PRKN: variants seen among roughly 807,000 people sequenced by gnomAD.
PRKN encodes E3 ubiquitin-protein ligase parkin.
A neutral mutation model predicts 59.5 loss-of-function variants in PRKN; 56 were observed. That is an observed-to-expected ratio of 0.94 (90% CI 0.76 to 1.18). The LOEUF (loss-of-function observed/expected upper bound fraction) is 1.18. PRKN is among the 50% of genes most tolerant of loss of function. The probability of loss-of-function intolerance (pLI) is 0.00; values close to 1 mark genes in which losing one functional copy is unlikely to be tolerated. For missense variants in PRKN, 657 were observed against 596.4 expected (o/e 1.10, Z -1.06); for synonymous variants, 250 against 222.1 (o/e 1.13, Z -1.12).
intron 7 of PRKN, among the ~76,000 whole-genome samples, chr6:161,728,724 T>G (rs1426850838): frequency 6.6e-6 from 1 of 152,108 alleles, no homozygotes; most frequent in Admixed American, 6.6e-5. Flanking sequence ...GAGGGGCATT[T>G]TGCTCCCCAT....
intron 1 of PRKN, among the ~76,000 whole-genome samples, chr6:162,519,939 A>G (rs1372148434): frequency 6.6e-6 from 1 of 152,196 alleles, no homozygotes; most frequent in African/African-American, 2.4e-5. Context: ...ATCAAAATAT[A>G]TTCACTCATG....
intron 2 of PRKN, among the ~76,000 whole-genome samples, chr6:162,327,608 T>C (rs910739781): frequency 7.7e-5 from 10 of 130,252 alleles, no homozygotes; most frequent in African/African-American, 2.7e-4. Flanking sequence ...TGTTAGGTTT[T>C]GAAAATGTTA....
chr6:161,469,211 C>T (rs1331883270), intron 9 of PRKN, among the ~76,000 whole-genome samples: 1 of 152,148 alleles, frequency 6.6e-6, no homozygotes, highest in Non-Finnish European at 1.5e-5. Context: ...TGGTATCCCC[C>T]AGGCTGTTCT....
chr6:161,439,219 A>G (rs898321841), intron 9 of PRKN, among the ~76,000 whole-genome samples: 1 of 152,106 alleles, frequency 6.6e-6, no homozygotes. Context: ...AAGAACAATG[A>G]CTCATTAGTC....
intron 1 of PRKN, among the ~76,000 whole-genome samples, chr6:162,531,278 T>C (rs1403468870): frequency 6.6e-6 from 1 of 152,002 alleles, no homozygotes; most frequent in Admixed American, 6.6e-5. Context: ...GAATCTCTTG[T>C]GTAACCGTCA....
At position 161,593,045 on chromosome 6, in the gene PRKN, C is replaced by T. The variant is rs978165410; in HGVS notation, c.872-23629G>A. ...GAAGAGTTGTAACGACTGCACAGAG[C>T]GTCCTCAGATGCGCTGCACCCCACG... On this transcript the variant is annotated intron_variant, in intron 7 of 11. Coordinates refer to ENST00000366898, the MANE Select transcript of PRKN (RefSeq NM_004562.3). The surrounding 1 kb of genome is among the most constrained non-coding windows in gnomAD (Gnocchi z 4.8). Among the ~76,000 whole-genome samples, 1 of 152,312 alleles carries T rather than the reference C, an allele frequency of 6.6e-6. No individual in the cohort carries two copies. Among genetic ancestry groups the T allele is most frequent in the East Asian group, 1.9e-4 (1 of 5,182 alleles).
chr6:161,529,345 C>A lies in PRKN; in HGVS notation c.1083+19509G>T, dbSNP rs568905901. On this transcript the variant is annotated intron_variant, in intron 9 of 11. Transcript: ENST00000366898. The surrounding 1 kb of genome is among the most constrained non-coding windows in gnomAD (Gnocchi z 4.4). ...CCTCACCTGGGGCCGCAGTAAGCAC[C>A]AAGTTCACAGGCTTAGTGAGGCGAG... Among the ~76,000 whole-genome samples, 105 of 152,312 alleles carry A rather than the reference C, an allele frequency of 6.9e-4. 3 individuals are homozygous for A. The South Asian group carries it at 0.021, about 31-fold the overall frequency.
intron 6 of PRKN, among the ~76,000 whole-genome samples, chr6:161,880,625 CT>C (rs2128229429): frequency 6.6e-6 from 1 of 152,288 alleles, no homozygotes; most frequent in Admixed American, 6.5e-5. Context: ...GGTTTGGCTG[CT>C]CCTGGCTTGG....
chr6:162,625,201 C>T (rs1321150864), intron 1 of PRKN, among the ~76,000 whole-genome samples: 2 of 152,190 alleles, frequency 1.3e-5, no homozygotes, highest in Non-Finnish European at 1.5e-5. Flanking sequence ...TGCAAACTCA[C>T]GATGAGCGTG....
chr6:162,586,619 G>C (rs535567041), intron 1 of PRKN, among the ~76,000 whole-genome samples: 1 of 152,096 alleles, frequency 6.6e-6, no homozygotes, highest in Non-Finnish European at 1.5e-5. Flanking sequence ...AATCTACCAC[G>C]AGGGGCTATA....
chr6:162,470,125 T>A (rs113244707), intron 1 of PRKN, among the ~76,000 whole-genome samples: 41 of 152,086 alleles, frequency 2.7e-4, no homozygotes, highest in African/African-American at 9.6e-4. Context: ...CAATGACAGG[T>A]CTCCCACGGC....
chr6:162,426,149 G>T (rs955671731), intron 2 of PRKN, among the ~76,000 whole-genome samples: 1 of 152,154 alleles, frequency 6.6e-6, no homozygotes, highest in Non-Finnish European at 1.5e-5. Context: ...CAACAAGGTG[G>T]GTGATGTGAA....
intron 9 of PRKN, among the ~76,000 whole-genome samples, chr6:161,476,764 C>T (rs1285354143): frequency 6.6e-6 from 1 of 152,186 alleles, no homozygotes; most frequent in African/African-American, 2.4e-5. Flanking sequence ...TGTGGAATTT[C>T]TACACTCTTT....
At position 161,399,546 on chromosome 6, in the gene PRKN, G is replaced by A. The variant is rs1786928730; in HGVS notation, c.1084-12669C>T. ...GCTCCCCCTCCCATAAGGAGTTTGA[G>A]CAGTGGTGGTGGCTGAACTGATGAG... On this transcript the variant is annotated intron_variant, in intron 9 of 11. Coordinates refer to ENST00000366898, the MANE Select transcript of PRKN (RefSeq NM_004562.3). This position sits in a 1 kb window ranked among gnomAD's most constrained non-coding sequence, Gnocchi z 4.4. 6.6e-6 allele frequency among the ~76,000 whole-genome samples: 1 copy of A among 152,168 alleles called. No individual in the cohort carries two copies. The highest frequency in any genetic ancestry group is 2.1e-4 in the South Asian group (1 of 4,828).
At chr6:161,807,199 C>T (rs973216833) in intron 6 of PRKN, among the ~76,000 whole-genome samples, 4 of 152,084 alleles carry the variant, frequency 2.6e-5, no homozygotes, top group African/African-American at 4.8e-5. Flanking sequence ...CTAAACCATA[C>T]GGAGATTTCA....
At chr6:161,711,341 G>A (rs572048688) in intron 7 of PRKN, among the ~76,000 whole-genome samples, 2 of 152,250 alleles carry the variant, frequency 1.3e-5, no homozygotes, top group Admixed American at 1.3e-4. Flanking sequence ...ACACACTGAT[G>A]CATGTATACA....
chr6:161,558,312 A>G (rs1029042906), intron 8 of PRKN, among the ~76,000 whole-genome samples: 2 of 152,130 alleles, frequency 1.3e-5, no homozygotes, highest in Admixed American at 1.3e-4. Flanking sequence ...CTGTAATCCA[A>G]GCACTTTGGG....
chr6:161,570,142 A>ATATAT (rs1354971928), intron 7 of PRKN, among the ~76,000 whole-genome samples: 4 of 130,918 alleles, frequency 3.1e-5, no homozygotes, highest in African/African-American at 1.3e-4. Context: ...AAAAAAAAAA[A>ATATAT]AAAAATATAT....
intron 6 of PRKN, among the ~76,000 whole-genome samples, chr6:161,843,537 G>T (rs1793075095): frequency 6.6e-6 from 1 of 152,162 alleles, no homozygotes; most frequent in Non-Finnish European, 1.5e-5. Flanking sequence ...TATAATCCCA[G>T]CACTTTGAGA....
Sources: gnomAD v4.1 joint callset for allele counts (sites outside exome capture counted in the v4.1 genomes callset) on GRCh38, gnomAD v4.1.1 for gene constraint, Gnocchi (gnomAD v3.1) non-coding constraint, MANE v1.5 for transcripts, NCBI Gene and HGNC (gene_info 2026-07-23, HGNC 2026-07-21) for gene names.